SRBD1: variants seen among roughly 807,000 people sequenced by gnomAD.
SRBD1 encodes the protein S1 RNA-binding domain-containing protein 1.
SRBD1 carries 88 observed loss-of-function variants against 115.3 expected under a neutral mutation model. The ratio of observed to expected loss-of-function variants is 0.76; its 90% CI spans 0.64 to 0.91. The LOEUF (loss-of-function observed/expected upper bound fraction) is 0.91. SRBD1 is among the 40% of genes least tolerant of loss of function. The pLI, the probability that SRBD1 is intolerant of heterozygous loss-of-function variation, is 0.00. For missense variants in SRBD1, 1,385 were observed against 1,177.4 expected, an observed-to-expected ratio of 1.18 and a Z score of -2.58; for synonymous variants, 509 against 407.7, an observed-to-expected ratio of 1.25 and a Z score of -2.99.
intron 19 of SRBD1, among the ~76,000 whole-genome samples, chr2:45,403,023 AACTC>A (rs901758770): frequency 4.9e-4 from 75 of 152,262 alleles, no homozygotes; most frequent in Middle Eastern, 6.8e-3. Context: ...CAACACAACA[AACTC>A]ACTCACACAC....
chr2:45,568,841 A>G (rs6741955), intron 9 of SRBD1, among the ~76,000 whole-genome samples: 24,611 of 152,232 alleles, frequency 0.16, 3,010 homozygotes, highest in African/African-American at 0.34. Context: ...CACTGGTACT[A>G]TTAAAAATTA....
chr2:45,447,087 G>T (rs1668848424), intron 16 of SRBD1: 1 of 152,150 alleles, frequency 6.6e-6, no homozygotes, highest in South Asian at 2.1e-4. Flanking sequence ...TCTCCTTAAA[G>T]AGTTTAAAGC....
At chr2:45,413,054 C>A in intron 19 of SRBD1, 60 bp downstream of exon 19, 1 of 1,519,658 alleles carries the variant, frequency 6.6e-7, no homozygotes, top group South Asian at 1.3e-5. Flanking sequence ...AAACAAAGGC[C>A]ATTTGCTGTA....
At chr2:45,478,869 ACAC>A (rs1448643906) in intron 15 of SRBD1, among the ~76,000 whole-genome samples, 1 of 152,304 alleles carries the variant, frequency 6.6e-6, no homozygotes, top group Admixed American at 6.5e-5. Flanking sequence ...TGCTTCTCAG[ACAC>A]CACATTTCTT....
intron 14 of SRBD1, among the ~76,000 whole-genome samples, chr2:45,528,904 G>C (rs1259219718): frequency 6.6e-6 from 1 of 151,912 alleles, no homozygotes; most frequent in Non-Finnish European, 1.5e-5. Flanking sequence ...AGAAGAGGCT[G>C]CTGGGTTAAA....
intron 19 of SRBD1, among the ~76,000 whole-genome samples, chr2:45,403,805 T>C (rs970809536): frequency 6.6e-6 from 1 of 152,128 alleles, no homozygotes; most frequent in African/African-American, 2.4e-5. Context: ...AAAATTAACA[T>C]TATTTTTCTT....
At chr2:45,507,188 T>A (rs3770277) in intron 14 of SRBD1, among the ~76,000 whole-genome samples, 1 of 151,890 alleles carries the variant, frequency 6.6e-6, no homozygotes, top group Non-Finnish European at 1.5e-5. Context: ...ACTTGGTATG[T>A]ATCTCAACTG....
intron 4 of SRBD1, among the ~76,000 whole-genome samples, chr2:45,598,558 G>T (rs556840626): frequency 6.6e-6 from 1 of 151,208 alleles, no homozygotes; most frequent in South Asian, 2.1e-4. Context: ...AGCTGACAGT[G>T]AGCACCACTG....
intron 16 of SRBD1, among the ~76,000 whole-genome samples, chr2:45,444,241 A>G (rs1668754944): frequency 6.6e-6 from 1 of 152,146 alleles, no homozygotes. Flanking sequence ...CCCTAACTTT[A>G]CAAAAAAAAT....
chr2:45,528,856 G>C lies in SRBD1; in HGVS notation c.1874+17876C>G, dbSNP rs774120320. ...AAAAGCAGGAGAGAAAAACAGCAGTGTACGAAACTGAAAAGGAATCTAGAT... is the reference window on the plus strand; with the variant it reads ...AAAAGCAGGAGAGAAAAACAGCAGTCTACGAAACTGAAAAGGAATCTAGAT... On this transcript the variant is annotated intron_variant, in intron 14 of 20. Transcript: ENST00000263736. Among the ~76,000 whole-genome samples the C allele has an allele frequency of 2.0e-5, 3 of 152,014 alleles. No homozygotes were observed. In the East Asian group the frequency reaches 5.8e-4, roughly 29 times the overall value.
At chr2:45,492,232 G>T (rs964263252) in intron 14 of SRBD1, among the ~76,000 whole-genome samples, 1 of 152,196 alleles carries the variant, frequency 6.6e-6, no homozygotes, top group Admixed American at 6.5e-5. Context: ...TTAAATAACA[G>T]AATTGATATC....
At chr2:45,449,033 T>C (rs1668911158) in intron 16 of SRBD1, among the ~76,000 whole-genome samples, 1 of 152,220 alleles carries the variant, frequency 6.6e-6, no homozygotes, top group South Asian at 2.1e-4. Context: ...TATTTTCACA[T>C]TTTATTAAAA....
At chr2:45,497,051 C>G (rs1011264140) in intron 14 of SRBD1, among the ~76,000 whole-genome samples, 5 of 152,104 alleles carry the variant, frequency 3.3e-5, no homozygotes, top group Non-Finnish European at 7.4e-5. Flanking sequence ...AGAGTCAGAT[C>G]TTTACTTTTT....
At chr2:45,403,320 TTTAGA>T (rs766698363) in intron 19 of SRBD1, among the ~76,000 whole-genome samples, 2 of 114,954 alleles carry the variant, frequency 1.7e-5, no homozygotes, top group African/African-American at 6.5e-5. Flanking sequence ...CCACAGCCAG[TTTAGA>T]TTATACAAAA....
chr2:45,532,936 T>C (rs1487433884), intron 14 of SRBD1, among the ~76,000 whole-genome samples: 1 of 152,066 alleles, frequency 6.6e-6, no homozygotes, highest in African/African-American at 2.4e-5. Context: ...ACAAAGGATT[T>C]CAGTAATTTT....
chr2:45,401,552 A>C (rs937279397), intron 19 of SRBD1, among the ~76,000 whole-genome samples: 1 of 152,202 alleles, frequency 6.6e-6, no homozygotes, highest in African/African-American at 2.4e-5. Flanking sequence ...ATTTGCAAAT[A>C]ATCTCTTAGG....
In SRBD1 at chr2:45,581,721, C is replaced by A. The variant is rs147301383; in HGVS notation, c.905G>T (p.Cys302Phe). Residue 302 changes from cysteine to phenylalanine, a missense_variant, in exon 6 of 21, where the codon TGT becomes TTT. Cys to Phe is a radical substitution (Grantham distance 205, BLOSUM62 -2). Transcript: ENST00000263736. ...GTGTTCTAGTTCTTCAAAAGTTTTA[C>A]AATTCAGCATGGCTTTTAACAAGCA... Reference protein sequence around the residue: ...SECLLKAMLNCKTFEELEHVS... With the variant: ...SECLLKAMLNFKTFEELEHVS... The A allele has an allele frequency of 6.2e-7, 1 of 1,613,340 alleles. No homozygotes were observed. Among genetic ancestry groups the A allele is most frequent in the Non-Finnish European group, 8.5e-7 (1 of 1,179,726 alleles).
At chr2:45,389,714 G>C (rs1202534600) in intron 20 of SRBD1, 115 bp from the exon 21 acceptor site, 3 of 1,048,148 alleles carry the variant, frequency 2.9e-6, no homozygotes, top group South Asian at 3.5e-5. Context: ...TAAAGATTAA[G>C]GGGGGATTAT....
At chr2:45,540,856 C>A (rs896569373) in intron 14 of SRBD1, among the ~76,000 whole-genome samples, 6 of 152,230 alleles carry the variant, frequency 3.9e-5, no homozygotes, top group African/African-American at 1.4e-4. Flanking sequence ...ATTTAAAAGG[C>A]TGACCATACC....
Sources: gnomAD v4.1 joint callset for allele counts (sites outside exome capture counted in the v4.1 genomes callset) on GRCh38, gnomAD v4.1.1 for gene constraint, MANE v1.5 for transcripts, NCBI Gene and HGNC (gene_info 2026-07-23, HGNC 2026-07-21) for gene names.